The following TACC2 variants were observed in gnomAD, a reference collection of about 807,000 sequenced individuals.
TACC2 encodes transforming acidic coiled-coil containing protein 2.
In TACC2, 137 loss-of-function variants were observed where a neutral mutation model predicts 227.3. The observed-to-expected ratio is 0.60, with a 90% CI of 0.52 to 0.69. The LOEUF is 0.69. TACC2 is among the 30% of genes least tolerant of loss of function. The pLI, the probability that TACC2 is intolerant of heterozygous loss-of-function variation, is 0.00. For missense variants in TACC2, 3,470 were observed against 3,694.4 expected (o/e 0.94, Z 1.57); for synonymous variants, 1,523 against 1,487.5 (o/e 1.02, Z -0.55).
At position 122,151,168 on chromosome 10, in the gene TACC2, G is replaced by A. The variant is rs149905266; in HGVS notation, c.5834+7462G>A. 1.2e-3 allele frequency among the ~76,000 whole-genome samples: 182 copies of A among 152,300 alleles called. 1 individual carries two copies. Among genetic ancestry groups the A allele is most frequent in the African/African-American group, 4.1e-3 (172 of 41,564 alleles). ...GGGGAAAAGGAGGCAGACAGAGACA[G>A]CTGTTCTGGAAACAGAAAAATACAA... On this transcript the variant is annotated intron_variant, in intron 7 of 22. Coordinates refer to ENST00000369005, the MANE Select transcript of TACC2 (RefSeq NM_206862.4).
At chr10:122,092,115 C>T (rs1443375013) in intron 5 of TACC2, among the ~76,000 whole-genome samples, 3 of 152,216 alleles carry the variant, frequency 2.0e-5, no homozygotes, top group African/African-American at 7.2e-5. Flanking sequence ...TATCTCTCTT[C>T]AGGGTGGAGA....
At chr10:122,126,418 A>G (rs1330829899) in intron 5 of TACC2, among the ~76,000 whole-genome samples, 2 of 146,838 alleles carry the variant, frequency 1.4e-5, no homozygotes. Flanking sequence ...CTTTGACGCG[A>G]CTCCCCCAGC....
intron 2 of TACC2, among the ~76,000 whole-genome samples, chr10:122,030,758 G>A (rs932326271): frequency 6.6e-6 from 1 of 151,782 alleles, no homozygotes; most frequent in Non-Finnish European, 1.5e-5. Context: ...AGGATTCCAG[G>A]ACCAGACGAG....
At chr10:122,104,921 C>T (rs1161525407) in intron 5 of TACC2, among the ~76,000 whole-genome samples, 3 of 152,194 alleles carry the variant, frequency 2.0e-5, no homozygotes, top group African/African-American at 7.2e-5. Context: ...TGGTAGCCAT[C>T]GTTATCTGAT....
intron 2 of TACC2, among the ~76,000 whole-genome samples, chr10:122,026,015 G>C (rs1156508840): frequency 6.6e-6 from 1 of 151,444 alleles, no homozygotes; most frequent in East Asian, 2.0e-4. Flanking sequence ...ATCTTTTACA[G>C]AGCAAAAGAG....
intron 5 of TACC2, among the ~76,000 whole-genome samples, chr10:122,108,892 C>G (rs1265330798): frequency 6.6e-6 from 1 of 152,044 alleles, no homozygotes; most frequent in Admixed American, 6.6e-5. Flanking sequence ...CGCCACCACG[C>G]CTGGCTAATT....
At chr10:122,006,850 G>T (rs1173415024) in intron 1 of TACC2, among the ~76,000 whole-genome samples, 2 of 136,804 alleles carry the variant, frequency 1.5e-5, no homozygotes, top group African/African-American at 2.7e-5. Context: ...CCTCTTCATT[G>T]CTTTCCTGAT....
At position 122,150,646 on chromosome 10, in the gene TACC2, G is replaced by C. The variant is rs2091941854; in HGVS notation, c.5834+6940G>C. Among the ~76,000 whole-genome samples the C allele has an allele frequency of 6.6e-6, 1 of 152,218 alleles. No homozygotes were observed. The highest frequency in any genetic ancestry group is 1.5e-5 in the Non-Finnish European group (1 of 68,032). The stretch of plus-strand genomic sequence containing the variant: ...CAAACCAAGGGAGGCAGGGCCCAGG[G>C]AGGTGGGGTAGGATGGGATATGGTA... On this transcript the variant is annotated intron_variant, in intron 7 of 22. Transcript: ENST00000369005. This position sits in a 1 kb window ranked among gnomAD's most constrained non-coding sequence, Gnocchi z 4.0.
chr10:122,093,927 C>G (rs914361986), intron 5 of TACC2, among the ~76,000 whole-genome samples: 1 of 152,208 alleles, frequency 6.6e-6, no homozygotes, highest in Non-Finnish European at 1.5e-5. Context: ...ACAGACCCTG[C>G]AGGAATCTGT....
intron 3 of TACC2, among the ~76,000 whole-genome samples, chr10:122,059,702 T>A (rs2076588188): frequency 6.6e-6 from 1 of 152,134 alleles, no homozygotes; most frequent in African/African-American, 2.4e-5. Context: ...AGTTAGACAT[T>A]GAGCAAGGAA....
chr10:122,041,771 T>C (rs920250693), intron 2 of TACC2, among the ~76,000 whole-genome samples: 3 of 152,192 alleles, frequency 2.0e-5, no homozygotes, highest in African/African-American at 4.8e-5. Flanking sequence ...TTCTTTACTG[T>C]CACCTGTCTG....
intron 7 of TACC2, among the ~76,000 whole-genome samples, chr10:122,156,284 C>T (rs1014408100): frequency 2.0e-5 from 3 of 150,326 alleles, no homozygotes; most frequent in Admixed American, 2.0e-4. Context: ...AGTGCAGTGG[C>T]GTGACTTCGG....
chr10:122,207,277 T>TGCTG (rs1361472405), intron 8 of TACC2, among the ~76,000 whole-genome samples: 1 of 149,482 alleles, frequency 6.7e-6, no homozygotes, highest in Non-Finnish European at 1.5e-5. Flanking sequence ...CCAGCCTGGG[T>TGCTG]GATGGAATGG....
At chr10:122,035,962 G>T (rs1015333536) in intron 2 of TACC2, among the ~76,000 whole-genome samples, 2 of 152,022 alleles carry the variant, frequency 1.3e-5, no homozygotes, top group Middle Eastern at 3.2e-3. Flanking sequence ...ATAGGCATGC[G>T]CTACTGCAGC....
At chr10:122,113,524 G>T (rs2084034689) in intron 5 of TACC2, among the ~76,000 whole-genome samples, 1 of 152,164 alleles carries the variant, frequency 6.6e-6, no homozygotes, top group Admixed American at 6.5e-5. Flanking sequence ...CAGTGGCTGG[G>T]ATTCCCGCTC....
chr10:122,114,793 C>A (rs1003287108), intron 5 of TACC2, among the ~76,000 whole-genome samples: 2 of 152,194 alleles, frequency 1.3e-5, no homozygotes, highest in African/African-American at 4.8e-5. Flanking sequence ...TTATGGAAAT[C>A]TTCAGGTCAA....
At chr10:122,103,617 T>G (rs943751490) in intron 5 of TACC2, among the ~76,000 whole-genome samples, 35 of 152,254 alleles carry the variant, frequency 2.3e-4, no homozygotes, top group Non-Finnish European at 7.3e-5. Context: ...TCTTCAAAGC[T>G]GGCAGATGAT....
intron 2 of TACC2, among the ~76,000 whole-genome samples, chr10:122,048,647 C>T (rs550672189): frequency 5.3e-5 from 8 of 152,202 alleles, no homozygotes; most frequent in Non-Finnish European, 8.8e-5. Flanking sequence ...CATGAGCCAC[C>T]GCACCCGGCT....
At chr10:122,207,608 A>G (rs1234189002) in intron 8 of TACC2, among the ~76,000 whole-genome samples, 1 of 152,176 alleles carries the variant, frequency 6.6e-6, no homozygotes. Context: ...CTGCCCCCAA[A>G]TGACCATAAT....
Sources: allele counts gnomAD v4.1 joint callset (sites outside exome capture counted in the v4.1 genomes callset), GRCh38; gene constraint gnomAD v4.1.1; non-coding constraint Gnocchi (gnomAD v3.1); transcripts MANE v1.5; gene names NCBI Gene and HGNC (gene_info 2026-07-23, HGNC 2026-07-21).